The following ROBO1 variants were observed in gnomAD, a reference collection of about 807,000 sequenced individuals.
The protein encoded by ROBO1 is roundabout homolog 1.
ROBO1 carries 149 observed loss-of-function variants against 195.9 expected under a neutral mutation model. The observed-to-expected ratio is 0.76, with a 90% CI of 0.67 to 0.87. The LOEUF is 0.87. Among genes scored for constraint, ROBO1 ranks in the 40% least tolerant of loss-of-function variants. The pLI is 0.00. For synonymous variants in ROBO1, 816 were observed against 733.2 expected, an observed-to-expected ratio of 1.11 and a Z score of -1.82; for missense variants, 1,933 against 2,068.3, an observed-to-expected ratio of 0.93 and a Z score of 1.27.
chr3:79,193,186 T>A (rs1371177319), intron 2 of ROBO1, among the ~76,000 whole-genome samples: 1 of 151,590 alleles, frequency 6.6e-6, no homozygotes, highest in Non-Finnish European at 1.5e-5. Flanking sequence ...CTGTGAGACA[T>A]AAAAGTAGAT....
At position 78,635,894 on chromosome 3, in the gene ROBO1, G is replaced by A; in HGVS notation, c.3252C>T (p.Ser1084=). Residue 1084 remains serine, a synonymous_variant, in exon 23 of 31, where the codon AGC becomes AGT. Transcript: ENST00000464233. ...CCCCGCTGCCATTGTTCATGTTGTTGCTGAGGTTTGACTGGATGAGCTGAG... is the reference window on the plus strand; with the variant it reads ...CCCCGCTGCCATTGTTCATGTTGTTACTGAGGTTTGACTGGATGAGCTGAG... ...ATTQLIQSNL[S]NNMNNGSGDS... 1 of 1,613,880 alleles carries A rather than the reference G, an allele frequency of 6.2e-7. No homozygotes were observed. The highest frequency in any genetic ancestry group is 8.5e-7 in the Non-Finnish European group (1 of 1,179,836).
chr3:78,945,272 T>C (rs1255964785), intron 3 of ROBO1, among the ~76,000 whole-genome samples: 2 of 152,022 alleles, frequency 1.3e-5, no homozygotes, highest in Admixed American at 1.3e-4. Context: ...CACCCCCCAG[T>C]AGGGGCGGAC....
intron 2 of ROBO1, among the ~76,000 whole-genome samples, chr3:79,441,612 C>G (rs955327692): frequency 6.6e-6 from 1 of 151,994 alleles, no homozygotes; most frequent in Non-Finnish European, 1.5e-5. Context: ...CTCCTTAGTC[C>G]TTCAAATAAC....
At chr3:78,938,235 A>C in intron 4 of ROBO1, 1 of 238,444 alleles carries the variant, frequency 4.2e-6, no homozygotes, top group Non-Finnish European at 8.3e-6. Flanking sequence ...CCTGGGCTCA[A>C]GCAATTCTCT....
intron 2 of ROBO1, among the ~76,000 whole-genome samples, chr3:79,489,663 A>C (rs1939351748): frequency 6.6e-6 from 1 of 152,022 alleles, no homozygotes; most frequent in African/African-American, 2.4e-5. Context: ...AAAAAAAAAA[A>C]AAAAAAGAAA....
intron 2 of ROBO1, among the ~76,000 whole-genome samples, chr3:79,419,686 A>G (rs1418214981): frequency 6.6e-6 from 1 of 152,152 alleles, no homozygotes; most frequent in Non-Finnish European, 1.5e-5. Context: ...AGTAATTTGA[A>G]AAGGAGACTG....
intron 3 of ROBO1, among the ~76,000 whole-genome samples, chr3:78,940,496 C>T (rs77038276): frequency 0.01 from 1,578 of 152,274 alleles, 35 homozygotes; most frequent in African/African-American, 0.034. Context: ...CTGTTCCATG[C>T]TTTTCTCTGC....
chr3:79,044,875 T>C (rs1351842003), intron 3 of ROBO1, among the ~76,000 whole-genome samples: 1 of 152,094 alleles, frequency 6.6e-6, no homozygotes, highest in Non-Finnish European at 1.5e-5. Context: ...ACCCAGGAAA[T>C]AATTATATCT....
At position 79,317,102 on chromosome 3, in the gene ROBO1, CTCTT is replaced by C. The variant is rs1355839473; in HGVS notation, c.89-191567_89-191564del. On this transcript the variant is annotated intron_variant, in intron 2 of 30. Coordinates refer to ENST00000464233, the MANE Select transcript of ROBO1 (RefSeq NM_002941.4). ...TATTTTCCCACATGGATTAACTCCT[CTCTT>C]TATAGAGAATTGACCAAATAAGAAT... Among the ~76,000 whole-genome samples, 7 of 152,216 alleles carry C rather than the reference CTCTT, an allele frequency of 4.6e-5. No individual in the cohort carries two copies. The South Asian group carries it at 1.5e-3, about 32-fold the overall frequency.
intron 2 of ROBO1, among the ~76,000 whole-genome samples, chr3:79,300,185 A>G (rs2032834195): frequency 6.6e-6 from 1 of 152,128 alleles, no homozygotes; most frequent in South Asian, 2.1e-4. Flanking sequence ...GCCAAGGCCG[A>G]GCCGGCTCCC....
At chr3:79,612,910 G>A (rs7431813) in intron 1 of ROBO1, among the ~76,000 whole-genome samples, 109,788 of 128,436 alleles carry the variant, frequency 0.85, 45,595 homozygotes, top group East Asian at 0.89. Flanking sequence ...GTTTTGCAAT[G>A]ATTGAAGTGA....
intron 2 of ROBO1, among the ~76,000 whole-genome samples, chr3:79,201,920 G>A (rs2081772886): frequency 6.7e-6 from 1 of 149,424 alleles, no homozygotes. Context: ...TATTTATCAG[G>A]TTGGCTCTTT....
intron 2 of ROBO1, among the ~76,000 whole-genome samples, chr3:79,280,915 G>A (rs2031457988): frequency 1.3e-5 from 2 of 152,164 alleles, no homozygotes; most frequent in South Asian, 4.1e-4. Flanking sequence ...GCCACTCACT[G>A]CCAGCTATGC....
At chr3:79,569,240 C>G (rs1943194215) in intron 2 of ROBO1, among the ~76,000 whole-genome samples, 1 of 152,188 alleles carries the variant, frequency 6.6e-6, no homozygotes, top group East Asian at 1.9e-4. Context: ...CTAACGCTGT[C>G]AAAGGCACTT....
intron 3 of ROBO1, among the ~76,000 whole-genome samples, chr3:78,953,697 A>G (rs915759880): frequency 2.6e-5 from 4 of 152,020 alleles, no homozygotes; most frequent in Non-Finnish European, 5.9e-5. Flanking sequence ...TTAAAACTAG[A>G]GACTGGATTC....
At chr3:79,094,614 A>G (rs1312748326) in intron 3 of ROBO1, among the ~76,000 whole-genome samples, 1 of 152,128 alleles carries the variant, frequency 6.6e-6, no homozygotes, top group Non-Finnish European at 1.5e-5. Context: ...GTCAGGTTTT[A>G]TTTTTTTCAA....
chr3:79,546,041 G>A (rs1455246618), intron 2 of ROBO1, among the ~76,000 whole-genome samples: 1 of 151,910 alleles, frequency 6.6e-6, no homozygotes, highest in African/African-American at 2.4e-5. Context: ...AATATCATGA[G>A]GATGGAGACC....
At chr3:78,943,635 T>C (rs958478479) in intron 3 of ROBO1, among the ~76,000 whole-genome samples, 6 of 152,224 alleles carry the variant, frequency 3.9e-5, no homozygotes, top group Non-Finnish European at 5.9e-5. Flanking sequence ...AAGAGGGGTA[T>C]AATATGTAGC....
intron 1 of ROBO1, among the ~76,000 whole-genome samples, chr3:79,763,096 T>C (rs992123865): frequency 2.6e-5 from 4 of 152,260 alleles, no homozygotes; most frequent in African/African-American, 4.8e-5. Context: ...TTTAAAATGC[T>C]TGTGATGCAT....
Sources: allele counts gnomAD v4.1 joint callset (sites outside exome capture counted in the v4.1 genomes callset), GRCh38; gene constraint gnomAD v4.1.1; transcripts MANE v1.5; gene names NCBI Gene and HGNC (gene_info 2026-07-23, HGNC 2026-07-21).